PTPRD: variants seen among roughly 807,000 people sequenced by gnomAD.
The protein encoded by PTPRD is receptor-type tyrosine-protein phosphatase delta.
A neutral mutation model predicts 214.5 loss-of-function variants in PTPRD; 34 were observed. That is an observed-to-expected ratio of 0.16 (90% CI 0.12 to 0.21). The LOEUF (loss-of-function observed/expected upper bound fraction) is 0.21. PTPRD is among the 10% of genes least tolerant of loss of function. PTPRD has a pLI of 1.00. For synonymous variants in PTPRD, 1,128 were observed against 845.7 expected, an observed-to-expected ratio of 1.33 and a Z score of -5.79; for missense variants, 2,545 against 2,398.7, an observed-to-expected ratio of 1.06 and a Z score of -1.27.
At chr9:9,613,642 C>T (rs1308793578) in intron 7 of PTPRD, among the ~76,000 whole-genome samples, 7 of 152,114 alleles carry the variant, frequency 4.6e-5, no homozygotes, top group Admixed American at 2.0e-4. Flanking sequence ...ACTAATATAT[C>T]GGTCTTTTCC....
intron 11 of PTPRD, among the ~76,000 whole-genome samples, chr9:9,009,782 T>C (rs569387148): frequency 6.6e-5 from 10 of 152,136 alleles, no homozygotes; most frequent in African/African-American, 2.4e-4. Context: ...TTTGGATGCT[T>C]TGGCCACATA....
chr9:8,528,798 T>C lies in PTPRD; in HGVS notation c.353-19A>G, dbSNP rs367865339. 114 of 1,610,866 alleles carry C rather than the reference T, an allele frequency of 7.1e-5. No individual in the cohort carries two copies. Among genetic ancestry groups the C allele is most frequent in the Middle Eastern group, 1.7e-4 (1 of 5,996 alleles). On this transcript the variant is annotated intron_variant, in intron 14 of 45. Transcript: ENST00000381196. Reference sequence around the variant, plus strand: ...TGATCTTCTGCAAGACAAAAGGTGATAGAAACATTCAGTTAATAAGTCAGA... The same window carrying C: ...TGATCTTCTGCAAGACAAAAGGTGACAGAAACATTCAGTTAATAAGTCAGA...
chr9:10,499,116 A>T (rs2042918978), intron 2 of PTPRD, among the ~76,000 whole-genome samples: 1 of 151,966 alleles, frequency 6.6e-6, no homozygotes. Flanking sequence ...AGTTAATGTT[A>T]CATTTGTTAC....
At chr9:8,616,121 T>C (rs1030390298) in intron 14 of PTPRD, among the ~76,000 whole-genome samples, 1 of 152,172 alleles carries the variant, frequency 6.6e-6, no homozygotes, top group African/African-American at 2.4e-5. Flanking sequence ...TGATCTACTA[T>C]TGACACATAA....
rs371159723 is a variant in PTPRD, at chr9:9,798,182, G to A, written c.-367-31331C>T. Among the ~76,000 whole-genome samples the A allele has an allele frequency of 2.8e-4, 43 of 151,932 alleles. 1 individual carries two copies. Among genetic ancestry groups the A allele is most frequent in the African/African-American group, 8.9e-4 (37 of 41,500 alleles). ...TAATAAATACTATGTTATTTTCTTC[G>A]ATAACATTGTAGGGGAGGAAACCTT... On this transcript the variant is annotated intron_variant, in intron 5 of 45. Transcript: ENST00000381196.
intron 36 of PTPRD, 130 bp from the exon 37 acceptor site, chr9:8,389,537 C>T (rs565830471): frequency 1.1e-5 from 7 of 617,312 alleles, no homozygotes; most frequent in African/African-American, 1.9e-5. Flanking sequence ...TATTGAAGGT[C>T]GGGTTTCAAG....
intron 4 of PTPRD, among the ~76,000 whole-genome samples, chr9:10,018,534 A>ATTT (rs1567125411): frequency 4.7e-5 from 3 of 63,720 alleles, no homozygotes; most frequent in Non-Finnish European, 1.1e-4. Flanking sequence ...TAAGAATTAC[A>ATTT]TTTCTTTTTT....
At position 10,358,420 on chromosome 9, in the gene PTPRD, T is replaced by C. The variant is rs544908114; in HGVS notation, c.-599-17403A>G. On this transcript the variant is annotated intron_variant, in intron 2 of 45. Coordinates refer to ENST00000381196, the MANE Select transcript of PTPRD (RefSeq NM_002839.4). ...CATCTTATAGGGTATTATAATTTCATTGATCAATGAAGCAATCTTTGTTTT... is the reference window on the plus strand; with the variant it reads ...CATCTTATAGGGTATTATAATTTCACTGATCAATGAAGCAATCTTTGTTTT... Among the ~76,000 whole-genome samples the C allele has an allele frequency of 6.6e-5, 10 of 152,086 alleles. No individual in the cohort carries two copies. In the South Asian group the frequency reaches 1.5e-3, roughly 22 times the overall value.
At chr9:8,538,770 G>A (rs1411812043) in intron 14 of PTPRD, among the ~76,000 whole-genome samples, 1 of 151,844 alleles carries the variant, frequency 6.6e-6, no homozygotes, top group African/African-American at 2.4e-5. Flanking sequence ...GCTGAACCAA[G>A]AGAGGCTGGG....
intron 4 of PTPRD, among the ~76,000 whole-genome samples, chr9:9,947,565 T>TATATATATA (rs2092913848): frequency 1.1e-4 from 4 of 37,128 alleles, no homozygotes; most frequent in African/African-American, 6.7e-4. Flanking sequence ...ATATATATTT[T>TATATATATA]ATATATATAT....
chr9:10,084,032 T>C (rs2098286994), intron 3 of PTPRD, among the ~76,000 whole-genome samples: 1 of 151,956 alleles, frequency 6.6e-6, no homozygotes, highest in Non-Finnish European at 1.5e-5. Flanking sequence ...TCATTTAAAC[T>C]TCCTAAAATC....
intron 11 of PTPRD, among the ~76,000 whole-genome samples, chr9:8,940,821 A>G (rs1290420036): frequency 1.2e-5 from 1 of 85,504 alleles, no homozygotes; most frequent in Non-Finnish European, 2.3e-5. Flanking sequence ...CCATTGCAAA[A>G]CATTAGTGAT....
intron 2 of PTPRD, among the ~76,000 whole-genome samples, chr9:10,458,275 C>A (rs2098932550): frequency 1.3e-5 from 2 of 152,040 alleles, no homozygotes; most frequent in Admixed American, 1.3e-4. Flanking sequence ...CTCTGAAGAA[C>A]ATTATTGCAA....
intron 8 of PTPRD, among the ~76,000 whole-genome samples, chr9:9,469,924 G>T (rs1219673737): frequency 6.6e-6 from 1 of 152,158 alleles, no homozygotes; most frequent in Non-Finnish European, 1.5e-5. Flanking sequence ...AGGCTATGGG[G>T]AACATTATTT....
intron 9 of PTPRD, among the ~76,000 whole-genome samples, chr9:9,391,915 C>T (rs1586912581): frequency 6.6e-6 from 1 of 152,046 alleles, no homozygotes; most frequent in Non-Finnish European, 1.5e-5. Context: ...ACAGAGAGAA[C>T]CCTTGAGTGG....
chr9:10,032,038 C>T (rs1451632393), intron 4 of PTPRD, among the ~76,000 whole-genome samples: 2 of 151,970 alleles, frequency 1.3e-5, no homozygotes, highest in Non-Finnish European at 2.9e-5. Flanking sequence ...ATCCTACCTG[C>T]CTAGTTTTGG....
intron 8 of PTPRD, among the ~76,000 whole-genome samples, chr9:9,536,573 T>C (rs1316115101): frequency 6.6e-6 from 1 of 152,020 alleles, no homozygotes; most frequent in African/African-American, 2.4e-5. Context: ...TCAAACTCAC[T>C]GGGCTGGACA....
chr9:10,078,514 TAAAA>T (rs71485315), intron 3 of PTPRD, among the ~76,000 whole-genome samples: 7 of 78,762 alleles, frequency 8.9e-5, no homozygotes, highest in Non-Finnish European at 1.2e-4. Context: ...AGACTCCATC[TAAAA>T]AAAAAAAAAA....
At position 8,521,443 on chromosome 9, in the gene PTPRD, A is replaced by T. The variant is rs2138891018; in HGVS notation, c.795T>A (p.Pro265=). 1.9e-6 allele frequency: 3 copies of T among 1,613,936 alleles called. No homozygotes were observed. The highest frequency in any genetic ancestry group is 2.5e-6 in the Non-Finnish European group (3 of 1,179,922). The change falls in exon 20 of 46, where the codon CCT becomes CCA. Residue 265 remains proline, a synonymous_variant. Coordinates refer to ENST00000381196, the MANE Select transcript of PTPRD (RefSeq NM_002839.4). ...ITCVAVGSPM[P]YVKWMLGAED... is the part of the protein sequence containing the mutation. ...CTGCCCCCAACATCCACTTTACATA[A>T]GGCATTGGTGACCCCACGGCCACAC...
Sources: allele counts gnomAD v4.1 joint callset (sites outside exome capture counted in the v4.1 genomes callset), GRCh38; gene constraint gnomAD v4.1.1; transcripts MANE v1.5; gene names NCBI Gene and HGNC (gene_info 2026-07-23, HGNC 2026-07-21).